Variants in DGKH observed in about 807,000 individuals in gnomAD.
DGKH encodes DAG kinase eta.
In DGKH, 90 loss-of-function variants were observed where a neutral mutation model predicts 159.3. The ratio of observed to expected loss-of-function variants is 0.57; its 90% CI spans 0.48 to 0.67. DGKH has a LOEUF of 0.67. Ranked by LOEUF, DGKH falls within the 30% of genes least tolerant of loss-of-function variation. The pLI, the probability that DGKH is intolerant of heterozygous loss-of-function variation, is 0.00. For missense variants in DGKH, 1,181 were observed against 1,506.1 expected, an observed-to-expected ratio of 0.78 and a Z score of 3.57; for synonymous variants, 536 against 553.8, an observed-to-expected ratio of 0.97 and a Z score of 0.45.
chr13:42,178,852 A>C (rs1299446501), intron 13 of DGKH, among the ~76,000 whole-genome samples: 1 of 152,248 alleles, frequency 6.6e-6, no homozygotes, highest in Non-Finnish European at 1.5e-5. Flanking sequence ...GAAATTTTCA[A>C]CTGATAAGCA....
intron 29 of DGKH, among the ~76,000 whole-genome samples, chr13:42,225,033 C>G (rs989231549): frequency 1.3e-5 from 2 of 152,086 alleles, no homozygotes; most frequent in Non-Finnish European, 2.9e-5. Flanking sequence ...GTGACCCTCC[C>G]GCCTCAGCCT....
intron 21 of DGKH, among the ~76,000 whole-genome samples, chr13:42,207,099 T>TTCTTTCTCTTTCTC (rs1957512582): frequency 7.2e-6 from 1 of 139,692 alleles, no homozygotes; most frequent in African/African-American, 2.7e-5. Context: ...CTTTCTTTCT[T>TTCTTTCTCTTTCTC]TCTTTCTTTC....
Position 42,199,515 on chromosome 13 carries a change from G to A in DGKH, c.2286-51G>A, listed in dbSNP as rs191821803. On this transcript the variant is annotated intron_variant, in intron 18 of 29. Coordinates refer to ENST00000337343, the MANE Select transcript of DGKH (RefSeq NM_178009.5). ...ACTATCTTGTGTACAAATTGTAATTGTTATAATGAATCTCAAATTGACTTT... is the reference window on the plus strand; with the variant it reads ...ACTATCTTGTGTACAAATTGTAATTATTATAATGAATCTCAAATTGACTTT... 5 of 1,267,754 alleles carry A rather than the reference G, an allele frequency of 3.9e-6. No individual in the cohort carries two copies. The Admixed American group carries it at 1.1e-4, about 28-fold the overall frequency. 78.5% of individuals were successfully genotyped at this position (1,267,754 alleles called of 1,614,324 possible).
chr13:42,047,940 G>C (rs569137295), upstream of DGKH, among the ~76,000 whole-genome samples: 1 of 151,846 alleles, frequency 6.6e-6, no homozygotes, highest in East Asian at 1.9e-4. Context: ...AGCCGAAGGG[G>C]ATCGCTCTTT....
chr13:42,129,435 C>G, intron 2 of DGKH, 117 bp from the exon 3 acceptor site: 1 of 781,504 alleles, frequency 1.3e-6, no homozygotes, highest in Non-Finnish European at 2.0e-6. Context: ...GAAAGTACCA[C>G]CAACTTAACT....
At position 42,198,534 on chromosome 13, in the gene DGKH, T is replaced by A; in HGVS notation, c.2224T>A (p.Leu742Ile). 6.2e-7 allele frequency: 1 copy of A among 1,613,960 alleles called. No individual in the cohort carries two copies. Residue 742 changes from leucine to isoleucine, a missense_variant, in exon 18 of 30, where the codon TTA becomes ATA. Around this residue, in one of 5 missense-constraint regions of DGKH, gnomAD observed 257 missense variants for 281.5 expected, o/e 0.91. Coordinates refer to ENST00000337343, the MANE Select transcript of DGKH (RefSeq NM_178009.5). ...TGGGAGTTCGATTATCAACAAAATGTTACTGGCAAACATTGATCCTTTTGG... is the reference window on the plus strand; with the variant it reads ...TGGGAGTTCGATTATCAACAAAATGATACTGGCAAACATTGATCCTTTTGG... The part of the protein sequence containing the change: ...IAGSSIINKM[L>I]LANIDPFGAT...
chr13:42,222,213 A>C (rs80288035), intron 29 of DGKH, among the ~76,000 whole-genome samples: 5,389 of 152,244 alleles, frequency 0.035, 283 homozygotes, highest in African/African-American at 0.12. Context: ...TGCCATTTTA[A>C]ATTTCCAATA....
chr13:42,077,598 T>G (rs1364857085), intron 1 of DGKH, among the ~76,000 whole-genome samples: 1 of 152,268 alleles, frequency 6.6e-6, no homozygotes, highest in Non-Finnish European at 1.5e-5. Flanking sequence ...AAAATAACTT[T>G]TACTATGCTT....
At chr13:42,170,899 TG>T (rs1956437932) in intron 11 of DGKH, among the ~76,000 whole-genome samples, 1 of 147,538 alleles carries the variant, frequency 6.8e-6, no homozygotes, top group African/African-American at 2.5e-5. Flanking sequence ...GCCAAGATCA[TG>T]CCAATGCACT....
At chr13:42,046,764 C>A (rs1270833099), upstream of DGKH, among the ~76,000 whole-genome samples, 1 of 152,168 alleles carries the variant, frequency 6.6e-6, no homozygotes, top group African/African-American at 2.4e-5. Context: ...TGGTAACTGA[C>A]AGACTTTTGT....
At chr13:42,213,428 G>A (rs1209360228) in intron 24 of DGKH, among the ~76,000 whole-genome samples, 1 of 152,098 alleles carries the variant, frequency 6.6e-6, no homozygotes, top group Non-Finnish European at 1.5e-5. Flanking sequence ...AAAATACCTA[G>A]CAGATTTCAG....
intron 18 of DGKH, among the ~76,000 whole-genome samples, chr13:42,198,991 C>T (rs747074782): frequency 1.3e-5 from 2 of 152,152 alleles, no homozygotes; most frequent in Non-Finnish European, 2.9e-5. Context: ...CTTCTTAAGA[C>T]TCCTACAATT....
chr13:42,256,460 A>C (rs1279668491), exon 31 of DGKH: 1 of 1,492,668 alleles, frequency 6.7e-7, no homozygotes, highest in African/African-American at 1.4e-5. Flanking sequence ...GGAAACTGTT[A>C]TTGAACTTGG....
intron 17 of DGKH, among the ~76,000 whole-genome samples, chr13:42,197,657 G>T (rs1166659333): frequency 6.6e-6 from 1 of 152,060 alleles, no homozygotes; most frequent in African/African-American, 2.4e-5. Flanking sequence ...GCTGCAGTGA[G>T]CTGTGATCAC....
In DGKH at chr13:42,237,595, A is replaced by G. The variant is rs1189528701; in HGVS notation, c.*8407A>G. 6.6e-6 allele frequency: 1 copy of G among 152,256 alleles called. No homozygotes were observed. The highest frequency in any genetic ancestry group is 1.9e-4 in the East Asian group (1 of 5,202). The allele number at this position is 152,256 out of a possible 1,614,324, so 9.4% of individuals were successfully genotyped here. ...CCAGAAAACAAAAAATATCACATTG[A>G]TGAAGTCCGAGACTGTATCTAGATC... On this transcript the variant is annotated 3_prime_UTR_variant, in exon 30 of 30. Transcript: ENST00000337343.
At chr13:42,179,567 A>C (rs1198980144) in intron 13 of DGKH, among the ~76,000 whole-genome samples, 2 of 152,140 alleles carry the variant, frequency 1.3e-5, no homozygotes, top group African/African-American at 4.8e-5. Context: ...GAAGCCCAGG[A>C]GTTCAAGACC....
intron 9 of DGKH, 126 bp downstream of exon 9, chr13:42,166,800 T>A: frequency 3.7e-6 from 3 of 805,034 alleles, no homozygotes; most frequent in Non-Finnish European, 5.2e-6. Flanking sequence ...AAGCTCTAAT[T>A]ATAAGTTTTA....
At chr13:42,154,939 T>G (rs1245466326) in intron 3 of DGKH, among the ~76,000 whole-genome samples, 3 of 152,136 alleles carry the variant, frequency 2.0e-5, no homozygotes, top group Admixed American at 6.5e-5. Flanking sequence ...TTTAAAAATA[T>G]TTTCCATATT....
intron 20 of DGKH, among the ~76,000 whole-genome samples, chr13:42,204,091 C>G (rs1957405531): frequency 6.6e-6 from 1 of 152,114 alleles, no homozygotes. Context: ...TTCTGAAAAT[C>G]TTCATCGTTT....
Sources: gnomAD v4.1 joint callset for allele counts (sites outside exome capture counted in the v4.1 genomes callset) on GRCh38, gnomAD v4.1.1 for gene constraint, gnomAD v4.1.1 regional missense constraint, MANE v1.5 for transcripts, NCBI Gene and HGNC (gene_info 2026-07-23, HGNC 2026-07-21) for gene names.